CCSER1: variants seen among roughly 807,000 people sequenced by gnomAD.
The protein encoded by CCSER1 is coiled-coil serine rich protein 1.
CCSER1 carries 41 observed loss-of-function variants against 82.0 expected under a neutral mutation model. The ratio of observed to expected loss-of-function variants is 0.50; its 90% CI spans 0.39 to 0.65. The LOEUF (loss-of-function observed/expected upper bound fraction) is 0.65, where lower values mean the gene tolerates loss of function less well. Among genes scored for constraint, CCSER1 ranks in the 30% least tolerant of loss-of-function variants. CCSER1 has a pLI of 0.00. For synonymous variants in CCSER1, 414 were observed against 383.9 expected (o/e 1.08, Z -0.92); for missense variants, 1,119 against 1,064.2 (o/e 1.05, Z -0.72).
intron 10 of CCSER1, among the ~76,000 whole-genome samples, chr4:91,566,294 G>A (rs183720586): frequency 1.1e-4 from 17 of 152,248 alleles, no homozygotes; most frequent in Admixed American, 1.3e-4. Flanking sequence ...TGATTTGCAA[G>A]TATTTTGATA....
intron 1 of CCSER1, among the ~76,000 whole-genome samples, chr4:90,290,103 A>G (rs1340881393): frequency 1.3e-5 from 2 of 151,856 alleles, no homozygotes; most frequent in Non-Finnish European, 2.9e-5. Context: ...TTAAATATTT[A>G]TCTTTATTTT....
chr4:91,380,827 G>A (rs1270264513), intron 10 of CCSER1, among the ~76,000 whole-genome samples: 1 of 152,152 alleles, frequency 6.6e-6, no homozygotes, highest in African/African-American at 2.4e-5. Flanking sequence ...AGTTGATGCA[G>A]TTTCTTCCCA....
chr4:90,648,284 G>GGAAAGAAAGAAAGAAAGGAAAGAGAAA (rs1553969687), intron 6 of CCSER1, among the ~76,000 whole-genome samples: 1 of 89,892 alleles, frequency 1.1e-5, no homozygotes, highest in Non-Finnish European at 2.3e-5. Context: ...GAGAAAGAAA[G>GGAAAGAAAGAAAGAAAGGAAAGAGAAA]GAAAGAAAGA....
chr4:90,793,646 G>A (rs989327980), intron 7 of CCSER1, among the ~76,000 whole-genome samples: 2 of 152,122 alleles, frequency 1.3e-5, no homozygotes, highest in African/African-American at 4.8e-5. Context: ...GTGTGCATGT[G>A]TCTTTATAAT....
intron 8 of CCSER1, among the ~76,000 whole-genome samples, chr4:90,821,026 C>T (rs995415358): frequency 3.9e-5 from 6 of 152,022 alleles, no homozygotes; most frequent in Non-Finnish European, 5.9e-5. Context: ...GGTTTTCATT[C>T]CGTGATCAGT....
chr4:90,491,762 C>A (rs1578774128), intron 5 of CCSER1, among the ~76,000 whole-genome samples: 1 of 152,282 alleles, frequency 6.6e-6, no homozygotes, highest in East Asian at 1.9e-4. Flanking sequence ...TTTTCTGCAT[C>A]TATTGAGATA....
intron 10 of CCSER1, among the ~76,000 whole-genome samples, chr4:91,341,242 T>C (rs2149287855): frequency 6.6e-6 from 1 of 152,336 alleles, no homozygotes; most frequent in South Asian, 2.1e-4. Flanking sequence ...TCTTTATAAT[T>C]GAAAGCTACA....
At chr4:91,576,561 G>A (rs936390252) in intron 10 of CCSER1, among the ~76,000 whole-genome samples, 7 of 152,022 alleles carry the variant, frequency 4.6e-5, no homozygotes, top group South Asian at 2.1e-4. Context: ...TCCCTTATCC[G>A]AAATGTTTGG....
intron 8 of CCSER1, among the ~76,000 whole-genome samples, chr4:90,854,773 C>T (rs1764272120): frequency 1.3e-5 from 2 of 151,810 alleles, no homozygotes; most frequent in Non-Finnish European, 2.9e-5. Flanking sequence ...AAGATTGCTC[C>T]TATGATCTCT....
chr4:90,953,490 A>G (rs1157516991), intron 9 of CCSER1, among the ~76,000 whole-genome samples: 4 of 151,616 alleles, frequency 2.6e-5, no homozygotes, highest in Non-Finnish European at 4.4e-5. Context: ...TTTATCCTAG[A>G]AATATTTTAG....
At chr4:90,220,398 T>C (rs1179702946) in intron 1 of CCSER1, among the ~76,000 whole-genome samples, 2 of 152,150 alleles carry the variant, frequency 1.3e-5, no homozygotes, top group African/African-American at 4.8e-5. Context: ...ATGATTTTTT[T>C]TTTAACTTTG....
intron 8 of CCSER1, among the ~76,000 whole-genome samples, chr4:90,850,169 G>C (rs1380311419): frequency 6.6e-6 from 1 of 152,190 alleles, no homozygotes; most frequent in Non-Finnish European, 1.5e-5. Flanking sequence ...CAGGAGTCAA[G>C]AATTGAGGTT....
At chr4:90,439,448 C>T (rs890675319) in intron 4 of CCSER1, among the ~76,000 whole-genome samples, 27 of 152,084 alleles carry the variant, frequency 1.8e-4, no homozygotes, top group Non-Finnish European at 3.4e-4. Context: ...AACTATAAAA[C>T]ATTCTTTTAA....
intron 9 of CCSER1, among the ~76,000 whole-genome samples, chr4:91,048,906 A>T (rs558296025): frequency 6.6e-6 from 1 of 152,280 alleles, no homozygotes; most frequent in South Asian, 2.1e-4. Context: ...AGTTCATCCC[A>T]TGCTTAATGA....
intron 9 of CCSER1, among the ~76,000 whole-genome samples, chr4:91,083,473 G>A (rs1273664593): frequency 1.3e-5 from 2 of 151,862 alleles, no homozygotes; most frequent in Admixed American, 6.6e-5. Flanking sequence ...TGAGTTAATG[G>A]GTGCAGCACA....
At chr4:90,840,173 G>T (rs1035854749) in intron 8 of CCSER1, among the ~76,000 whole-genome samples, 12 of 152,078 alleles carry the variant, frequency 7.9e-5, no homozygotes, top group African/African-American at 2.7e-4. Context: ...ATAAATAAGA[G>T]AATCCTTTAT....
intron 10 of CCSER1, among the ~76,000 whole-genome samples, chr4:91,407,227 G>A (rs913199774): frequency 6.6e-6 from 1 of 152,086 alleles, no homozygotes; most frequent in Non-Finnish European, 1.5e-5. Context: ...TGAACAACTC[G>A]AGATCCAAAT....
intron 10 of CCSER1, among the ~76,000 whole-genome samples, chr4:91,224,247 C>T (rs1383028504): frequency 6.6e-6 from 1 of 152,026 alleles, no homozygotes; most frequent in African/African-American, 2.4e-5. Flanking sequence ...TACTGTGCTG[C>T]TTACATATAT....
At chr4:90,153,802 G>A (rs923432453) in intron 1 of CCSER1, among the ~76,000 whole-genome samples, 4 of 152,088 alleles carry the variant, frequency 2.6e-5, no homozygotes, top group African/African-American at 9.7e-5. Flanking sequence ...AGATGAGTAG[G>A]TTGCGAAAAT....
Sources: allele counts gnomAD v4.1 joint callset (sites outside exome capture counted in the v4.1 genomes callset), GRCh38; gene constraint gnomAD v4.1.1; transcripts MANE v1.5; gene names NCBI Gene and HGNC (gene_info 2026-07-23, HGNC 2026-07-21).